Variants in TFR2 observed in about 807,000 individuals in gnomAD.
The protein encoded by TFR2 is transferrin receptor protein 2.
TFR2 carries 64 observed loss-of-function variants against 91.9 expected under a neutral mutation model. That is an observed-to-expected ratio of 0.70 (90% CI 0.57 to 0.86). The LOEUF (loss-of-function observed/expected upper bound fraction) is 0.86, where lower values mean the gene tolerates loss of function less well. Among genes scored for constraint, TFR2 ranks in the 40% least tolerant of loss-of-function variants. The pLI is 0.00. For synonymous variants in TFR2, 454 were observed against 459.6 expected, an observed-to-expected ratio of 0.99 and a Z score of 0.15; for missense variants, 950 against 1,080.5, an observed-to-expected ratio of 0.88 and a Z score of 1.69.
chr7:100,622,939 A>G (rs1040158336), intron 17 of TFR2, among the ~76,000 whole-genome samples: 7 of 146,812 alleles, frequency 4.8e-5, no homozygotes, highest in Admixed American at 3.5e-4. Context: ...AGCCTGGGTG[A>G]CAGAGCAAGA....
intron 3 of TFR2, among the ~76,000 whole-genome samples, chr7:100,638,635 C>A (rs1584463418): frequency 6.6e-6 from 1 of 151,912 alleles, no homozygotes; most frequent in Admixed American, 6.6e-5. Flanking sequence ...CCTGTGATCC[C>A]AGCTACTCGG....
At chr7:100,628,862 G>A (rs1009516760) in intron 10 of TFR2, among the ~76,000 whole-genome samples, 4 of 151,846 alleles carry the variant, frequency 2.6e-5, no homozygotes, top group Non-Finnish European at 4.4e-5. Flanking sequence ...CGCCTCCCAG[G>A]TTCAAGCGAT....
At chr7:100,629,000 T>C (rs538396794) in intron 10 of TFR2, among the ~76,000 whole-genome samples, 2 of 151,490 alleles carry the variant, frequency 1.3e-5, no homozygotes, top group African/African-American at 4.8e-5. Context: ...TGACCTCAGG[T>C]GATCCATCTG....
At position 100,640,967 on chromosome 7, in the gene TFR2, G is replaced by A. The variant is rs1205031107; in HGVS notation, c.286+9C>T. On this transcript the variant is annotated intron_variant, in intron 2 of 17. Coordinates refer to ENST00000223051, the MANE Select transcript of TFR2 (RefSeq NM_003227.4). ...GCCCTTCACTTCTGGGGAGGGGGAC[G>A]GCTCTCACCCCCAGTGAAGATCAGC... The A allele has an allele frequency of 1.9e-5, 30 of 1,611,830 alleles. No individual in the cohort carries two copies. Among genetic ancestry groups the A allele is most frequent in the Middle Eastern group, 1.6e-4 (1 of 6,076 alleles).
chr7:100,626,734 G>A, intron 17 of TFR2, 29 bp downstream of exon 17: 3 of 1,537,542 alleles, frequency 2.0e-6, no homozygotes, highest in Non-Finnish European at 2.6e-6. Flanking sequence ...CGGGACACTG[G>A]GGGCGGGGCG....
At chr7:100,633,697 GCT>G in intron 3 of TFR2, 141 bp from the exon 4 acceptor site, 6 of 859,570 alleles carry the variant, frequency 7.0e-6, no homozygotes, top group South Asian at 2.8e-5. Context: ...CCCCGCGGAC[GCT>G]TTTTTTTTTT....
At position 100,640,830 on chromosome 7, in the gene TFR2, G is replaced by A. The variant is rs139318596; in HGVS notation, c.329C>T (p.Ala110Val). 1.3e-5 allele frequency: 21 copies of A among 1,614,022 alleles called. No homozygotes were observed. The highest frequency in any genetic ancestry group is 1.7e-5 in the Non-Finnish European group (20 of 1,180,046). The change falls in exon 3 of 18, where the codon GCG becomes GTG. Residue 110 changes from alanine to valine, a missense_variant. Ala to Val is a moderately conservative substitution (Grantham distance 64). Transcript: ENST00000223051. ...GYVAFRGSCQ[A>V]CGDSVLVVSE... is the part of the protein sequence containing the mutation. ...GACCACCAACACAGAGTCTCCGCAC[G>A]CCTGGCAGGACCCTCGGAAGGCGAC... is the stretch of plus-strand genomic sequence containing the variant.
At chr7:100,633,374 C>G in intron 4 of TFR2, 34 bp from the exon 5 acceptor site, 1 of 1,608,960 alleles carries the variant, frequency 6.2e-7, no homozygotes, top group Non-Finnish European at 8.5e-7. Context: ...CCCCGAGCCG[C>G]GTCCCCCTCC....
chr7:100,628,469 G>A (rs1361678188), intron 10 of TFR2, among the ~76,000 whole-genome samples, 163 bp from the exon 11 acceptor site: 1 of 152,030 alleles, frequency 6.6e-6, no homozygotes, highest in African/African-American at 2.4e-5. Flanking sequence ...GTGCAATCAT[G>A]GCTCAATGTA....
chr7:100,633,381 C>A (rs1803505906), intron 4 of TFR2, 35 bp downstream of exon 4: 3 of 1,608,050 alleles, frequency 1.9e-6, no homozygotes, highest in African/African-American at 2.7e-5. Flanking sequence ...CCGCGTCCCC[C>A]TCCCCGCGCG....
Position 100,628,257 on chromosome 7 carries a change from G to A in TFR2, c.1440C>T (p.Asp480=), listed in dbSNP as rs1803325478. 1 of 1,611,452 alleles carries A rather than the reference G, an allele frequency of 6.2e-7. No homozygotes were observed. The highest frequency in any genetic ancestry group is 1.3e-5 in the African/African-American group (1 of 74,180). The change falls in exon 11 of 18, where the codon GAC becomes GAT. Residue 480 remains aspartate (D), a synonymous_variant. Coordinates refer to ENST00000223051, the MANE Select transcript of TFR2 (RefSeq NM_003227.4). ...SLLFISWDGG[D]FGSVGSTEWL... The stretch of plus-strand genomic sequence containing the variant: ...ACTCCGTGGAGCCCACGCTTCCAAA[G>A]TCACCACCGTCCCAGCTGATGAAGA...
At chr7:100,623,148 C>T (rs1490566362) in intron 17 of TFR2, among the ~76,000 whole-genome samples, 1 of 150,402 alleles carries the variant, frequency 6.6e-6, no homozygotes, top group Non-Finnish European at 1.5e-5. Flanking sequence ...TGGCACATGC[C>T]TGTTGTCCCA....
chr7:100,623,642 G>A (rs1223628315), intron 17 of TFR2, among the ~76,000 whole-genome samples: 2 of 152,054 alleles, frequency 1.3e-5, no homozygotes, highest in Admixed American at 1.3e-4. Flanking sequence ...AATTAGTCGG[G>A]TGTGGTGGTG....
intron 3 of TFR2, chr7:100,640,350 G>T: frequency 3.1e-6 from 1 of 318,852 alleles, no homozygotes; most frequent in Non-Finnish European, 5.8e-6. Context: ...ACCCCTCAGC[G>T]CTCCCTGCTC....
intron 17 of TFR2, chr7:100,626,529 C>T (rs1393461413): frequency 2.9e-6 from 4 of 1,376,444 alleles, no homozygotes; most frequent in Non-Finnish European, 3.8e-6. Flanking sequence ...AACCAGGCGA[C>T]TGTGGCCAAG....
In TFR2 at chr7:100,633,061, G is replaced by C. The variant is rs2131320107; in HGVS notation, c.789C>G (p.Gly263=). 6.2e-7 allele frequency: 1 copy of C among 1,613,600 alleles called. No homozygotes were observed. Among genetic ancestry groups the C allele is most frequent in the East Asian group, 2.2e-5 (1 of 44,844 alleles). ...PEDLQDLRAR[G]VDPVGRLLLV... is the part of the protein sequence containing the mutation. ...GCAGCAGGCGGCCCACTGGATCCACGCCCCTGGCCCGCAGGTCCTGCAGGT... is the reference window on the plus strand; with the variant it reads ...GCAGCAGGCGGCCCACTGGATCCACCCCCCTGGCCCGCAGGTCCTGCAGGT... The change falls in exon 6 of 18, where the codon GGC becomes GGG. Residue 263 remains glycine, a synonymous_variant. Coordinates refer to ENST00000223051, the MANE Select transcript of TFR2 (RefSeq NM_003227.4).
At position 100,629,286 on chromosome 7, in the gene TFR2, G is replaced by C; in HGVS notation, c.1357C>G (p.Leu453Val). The change falls in exon 10 of 18, where the codon CTG (leucine) becomes GTG (valine). Residue 453 changes from leucine to valine, a missense_variant. Transcript: ENST00000223051. ...ACCATGGAGGAAAAGGTCCGCACCAGCTCCAGGAGTATAGCCGTCCCCACA... is the reference window on the plus strand; with the variant it reads ...ACCATGGAGGAAAAGGTCCGCACCACCTCCAGGAGTATAGCCGTCCCCACA... The part of the protein sequence containing the change: ...SAVGTAILLE[L>V]VRTFSSMVSN... The C allele has an allele frequency of 6.2e-7, 1 of 1,614,080 alleles. No homozygotes were observed. The highest frequency in any genetic ancestry group is 1.1e-5 in the South Asian group (1 of 91,086).
chr7:100,631,991 A>G, intron 7 of TFR2, 46 bp from the exon 8 acceptor site: 2 of 1,614,124 alleles, frequency 1.2e-6, no homozygotes, highest in Non-Finnish European at 8.5e-7. Context: ...CTGGGCTTCC[A>G]GGAAAAACGA....
chr7:100,625,514 C>T (rs2131309302), intron 17 of TFR2, among the ~76,000 whole-genome samples: 1 of 152,262 alleles, frequency 6.6e-6, no homozygotes, highest in Non-Finnish European at 1.5e-5. Context: ...AACCTATTGC[C>T]TCACCCCAGG....
Sources: gnomAD v4.1 joint callset for allele counts (sites outside exome capture counted in the v4.1 genomes callset) on GRCh38, gnomAD v4.1.1 for gene constraint, MANE v1.5 for transcripts, NCBI Gene and HGNC (gene_info 2026-07-23, HGNC 2026-07-21) for gene names.